Variants in PTP4A3 observed in about 807,000 individuals in gnomAD.
PTP4A3 encodes protein tyrosine phosphatase 4A3.
PTP4A3 carries 9 observed loss-of-function variants against 15.2 expected under a neutral mutation model. The ratio of observed to expected loss-of-function variants is 0.59; its 90% CI spans 0.36 to 1.03. The LOEUF is 1.03. Among genes scored for constraint, PTP4A3 ranks in the 50% least tolerant of loss-of-function variants. PTP4A3 has a pLI of 0.02. For synonymous variants in PTP4A3, 95 were observed against 102.0 expected (o/e 0.93, Z 0.41); for missense variants, 234 against 252.1 (o/e 0.93, Z 0.49).
rs563648086 is a variant in PTP4A3, at chr8:141,413,941, G to A, written c.-853-7447G>A. ...GCTGTGTGGACAGGAGGACATGGAG[G>A]ATTCGGGCTCACGGTGTCCCTGGAG... On this transcript the variant is annotated intron_variant, in intron 1 of 5. Transcript: ENST00000521578. Among the ~76,000 whole-genome samples the A allele has an allele frequency of 1.1e-4, 17 of 152,378 alleles. No homozygotes were observed. In the East Asian group the frequency reaches 3.3e-3, roughly 29 times the overall value.
intron 1 of PTP4A3, among the ~76,000 whole-genome samples, chr8:141,394,343 C>G (rs2129760629): frequency 6.6e-6 from 1 of 152,224 alleles, no homozygotes; most frequent in East Asian, 1.9e-4. Flanking sequence ...TGCCTTGTTC[C>G]ATGAAGGTCC....
At chr8:141,411,927 C>T (rs1328125729) in intron 1 of PTP4A3, among the ~76,000 whole-genome samples, 1 of 152,216 alleles carries the variant, frequency 6.6e-6, no homozygotes, top group Non-Finnish European at 1.5e-5. Flanking sequence ...TCAGAGCTCT[C>T]GCTGACTGCA....
chr8:141,428,519 C>T (rs117191826), intron 5 of PTP4A3, among the ~76,000 whole-genome samples: 1,818 of 152,336 alleles, frequency 0.012, 14 homozygotes, highest in Middle Eastern at 0.031. Context: ...CTGTGGTACT[C>T]CTCGGACAGG....
chr8:141,404,435 CCT>C (rs952046627), intron 1 of PTP4A3, among the ~76,000 whole-genome samples: 26 of 152,230 alleles, frequency 1.7e-4, no homozygotes, highest in African/African-American at 6.3e-4. Flanking sequence ...CCTCTCTCCC[CCT>C]GTCCTGGGGT....
chr8:141,411,537 T>C (rs1162137955), intron 1 of PTP4A3, among the ~76,000 whole-genome samples: 3 of 152,232 alleles, frequency 2.0e-5, no homozygotes, highest in African/African-American at 7.2e-5. Context: ...GCTGTGACCT[T>C]CCGCAGCCAG....
chr8:141,426,396 G>T, intron 3 of PTP4A3: 1 of 979,618 alleles, frequency 1.0e-6, no homozygotes, highest in African/African-American at 1.7e-5. Context: ...CCGGGGCCCG[G>T]TGGAACCGCC....
chr8:141,414,668 G>T (rs543380888), intron 1 of PTP4A3, among the ~76,000 whole-genome samples: 8 of 151,768 alleles, frequency 5.3e-5, no homozygotes, highest in Non-Finnish European at 1.0e-4. Flanking sequence ...GGCACAGGTG[G>T]ATCGGGTGCC....
At chr8:141,410,934 A>G (rs1052920115) in intron 1 of PTP4A3, among the ~76,000 whole-genome samples, 4 of 152,086 alleles carry the variant, frequency 2.6e-5, no homozygotes, top group African/African-American at 9.7e-5. Flanking sequence ...TCACTGGCTG[A>G]GTCTCGCACC....
chr8:141,422,322 G>A lies in PTP4A3; in HGVS notation c.82G>A (p.Ala28Thr), dbSNP rs745344665. 4.2e-5 allele frequency: 67 copies of A among 1,613,310 alleles called. No homozygotes were observed. Among genetic ancestry groups the A allele is most frequent in the Middle Eastern group, 1.6e-4 (1 of 6,082 alleles). ...CCTCATCACCCACAACCCCACCAAC[G>A]CCACGCTCAGCACCTTCATTGAGGT... ...RFLITHNPTN[A>T]TLSTFIEDLK... Residue 28 changes from alanine (A) to threonine (T), a missense_variant, in exon 2 of 6, where the codon GCC becomes ACC. Physicochemically the swap from Ala to Thr is moderately conservative, Grantham distance 58. Coordinates refer to ENST00000521578, the MANE Select transcript of PTP4A3 (RefSeq NM_032611.3).
intron 1 of PTP4A3, among the ~76,000 whole-genome samples, chr8:141,412,868 C>A (rs975532820): frequency 6.6e-6 from 1 of 152,202 alleles, no homozygotes; most frequent in South Asian, 2.1e-4. Flanking sequence ...ACAGCATGCA[C>A]GGGACGGTTT....
chr8:141,422,292 C>T lies in PTP4A3; in HGVS notation c.52C>T (p.Arg18Cys), dbSNP rs780282009. 3.1e-6 allele frequency: 5 copies of T among 1,613,388 alleles called. No homozygotes were observed. The highest frequency in any genetic ancestry group is 4.2e-6 in the Non-Finnish European group (5 of 1,180,006). The change falls in exon 2 of 6, where the codon CGC (arginine) becomes TGC (cysteine). Residue 18 changes from arginine (R) to cysteine (C), a missense_variant. Transcript: ENST00000521578. ...GGTGGAGGTGAGCTACAAACACATG[C>T]GCTTCCTCATCACCCACAACCCCAC... ...APVEVSYKHM[R>C]FLITHNPTNA...
chr8:141,423,923 C>T (rs1833446806), intron 2 of PTP4A3, among the ~76,000 whole-genome samples: 1 of 151,356 alleles, frequency 6.6e-6, no homozygotes, highest in South Asian at 2.1e-4. Context: ...GGGTTGGGGG[C>T]TCAGCACGTG....
intron 1 of PTP4A3, among the ~76,000 whole-genome samples, chr8:141,419,652 A>G (rs1427435033): frequency 1.3e-5 from 2 of 148,172 alleles, no homozygotes; most frequent in Admixed American, 6.7e-5. Flanking sequence ...GCTCACTGCA[A>G]CCTCTGCCTC....
At chr8:141,409,844 C>T (rs1052587528) in intron 1 of PTP4A3, among the ~76,000 whole-genome samples, 7 of 152,252 alleles carry the variant, frequency 4.6e-5, no homozygotes, top group Admixed American at 6.5e-5. Flanking sequence ...GGCGAGGGGC[C>T]GTGGCTGGGT....
Position 141,406,729 on chromosome 8 carries a change from G to A in PTP4A3, c.-854+14645G>A, listed in dbSNP as rs913448973. 2.6e-5 allele frequency among the ~76,000 whole-genome samples: 4 copies of A among 152,094 alleles called. No homozygotes were observed. The highest frequency in any genetic ancestry group is 6.5e-5 in the Admixed American group (1 of 15,280). ...ACGGCTGTGTTGCCTGCATGCCACC[G>A]ACAGCCCGCCTCTTCTTTCCATCTT... On this transcript the variant is annotated intron_variant, in intron 1 of 5. Coordinates refer to ENST00000521578, the MANE Select transcript of PTP4A3 (RefSeq NM_032611.3). This position sits in a 1 kb window ranked among gnomAD's most constrained non-coding sequence, Gnocchi z 4.5.
intron 5 of PTP4A3, among the ~76,000 whole-genome samples, chr8:141,428,769 C>A (rs1047462346): frequency 3.3e-5 from 5 of 152,130 alleles, no homozygotes; most frequent in Non-Finnish European, 5.9e-5. Flanking sequence ...TTCACAAGCA[C>A]ATGTGTGCCC....
intron 1 of PTP4A3, among the ~76,000 whole-genome samples, chr8:141,400,682 G>T (rs978481116): frequency 8.5e-5 from 13 of 152,148 alleles, no homozygotes; most frequent in African/African-American, 2.9e-4. Context: ...GAGGGTTGTT[G>T]GTGCCCGGCT....
chr8:141,418,517 G>A (rs1396130787), intron 1 of PTP4A3, among the ~76,000 whole-genome samples: 3 of 152,296 alleles, frequency 2.0e-5, no homozygotes, highest in Admixed American at 2.0e-4. Flanking sequence ...CGCAAACAGG[G>A]ACAAGGATGG....
At chr8:141,392,401 C>G (rs892102236) in intron 1 of PTP4A3, 1 of 152,206 alleles carries the variant, frequency 6.6e-6, no homozygotes, top group African/African-American at 2.4e-5. Context: ...CGCGGGAGAC[C>G]TCCTACCCTG....
Sources: gnomAD v4.1 joint callset for allele counts (sites outside exome capture counted in the v4.1 genomes callset) on GRCh38, gnomAD v4.1.1 for gene constraint, Gnocchi (gnomAD v3.1) non-coding constraint, MANE v1.5 for transcripts, NCBI Gene and HGNC (gene_info 2026-07-23, HGNC 2026-07-21) for gene names.